The following TENM4 variants were observed in gnomAD, a reference collection of about 807,000 sequenced individuals.
TENM4 encodes the protein teneurin transmembrane protein 4.
A neutral mutation model predicts 243.3 loss-of-function variants in TENM4; 82 were observed. The observed-to-expected ratio is 0.34, with a 90% CI of 0.28 to 0.40. The LOEUF (loss-of-function observed/expected upper bound fraction) is 0.40, where lower values mean the gene tolerates loss of function less well. TENM4 is among the 10% of genes least tolerant of loss of function. The pLI is 1.00. For synonymous variants in TENM4, 1,412 were observed against 1,456.3 expected (o/e 0.97, Z 0.69); for missense variants, 3,138 against 3,673.3 (o/e 0.85, Z 3.77).
chr11:78,881,806 C>T (rs1342379587), intron 9 of TENM4, among the ~76,000 whole-genome samples: 1 of 152,186 alleles, frequency 6.6e-6, no homozygotes, highest in Non-Finnish European at 1.5e-5. Flanking sequence ...CTTCTCCCTT[C>T]GTCAGCATTT....
chr11:78,766,345 C>A (rs1309718151), intron 18 of TENM4, among the ~76,000 whole-genome samples: 1 of 152,194 alleles, frequency 6.6e-6, no homozygotes, highest in Non-Finnish European at 1.5e-5. Flanking sequence ...CATGGTGTCA[C>A]CATCTTTGAA....
At chr11:79,214,223 G>A (rs1864006337) in intron 3 of TENM4, among the ~76,000 whole-genome samples, 2 of 152,124 alleles carry the variant, frequency 1.3e-5, no homozygotes, top group African/African-American at 4.8e-5. Flanking sequence ...TCGAACTCCT[G>A]ACCTCAAGTG....
chr11:79,388,962 G>A (rs1858173467), intron 1 of TENM4, among the ~76,000 whole-genome samples: 1 of 152,228 alleles, frequency 6.6e-6, no homozygotes, highest in East Asian at 1.9e-4. Context: ...TGGTGTTACT[G>A]GACAAAGGCT....
chr11:78,852,201 A>T (rs137881426), intron 12 of TENM4, among the ~76,000 whole-genome samples: 1 of 152,336 alleles, frequency 6.6e-6, no homozygotes, highest in East Asian at 1.9e-4. Context: ...TAATTTCTAC[A>T]TCAGAGCTAG....
At chr11:79,289,369 T>C (rs1258512823) in intron 2 of TENM4, among the ~76,000 whole-genome samples, 1 of 152,184 alleles carries the variant, frequency 6.6e-6, no homozygotes, top group Non-Finnish European at 1.5e-5. Context: ...AGACACTCAT[T>C]CCTCCAGCTG....
At chr11:79,286,202 T>A (rs1357855037) in intron 2 of TENM4, among the ~76,000 whole-genome samples, 2 of 151,918 alleles carry the variant, frequency 1.3e-5, no homozygotes, top group Non-Finnish European at 2.9e-5. Context: ...ACAATAATAA[T>A]GTGAAAAAAA....
intron 10 of TENM4, among the ~76,000 whole-genome samples, chr11:78,859,034 GATGA>G (rs1377151661): frequency 3.9e-5 from 6 of 152,080 alleles, no homozygotes; most frequent in Non-Finnish European, 7.4e-5. Context: ...GGATCAAATT[GATGA>G]ATGATTAATT....
chr11:79,178,757 AGG>A (rs1863223188), intron 3 of TENM4, among the ~76,000 whole-genome samples: 1 of 152,176 alleles, frequency 6.6e-6, no homozygotes, highest in Non-Finnish European at 1.5e-5. Context: ...ACCCACCCAC[AGG>A]GTCCAGCACA....
At chr11:79,401,525 G>T (rs991345732) in intron 1 of TENM4, among the ~76,000 whole-genome samples, 1 of 152,122 alleles carries the variant, frequency 6.6e-6, no homozygotes, top group African/African-American at 2.4e-5. Flanking sequence ...AATACTTTTT[G>T]CAGGAGATTT....
intron 9 of TENM4, among the ~76,000 whole-genome samples, chr11:78,888,422 C>T (rs1855591351): frequency 1.3e-5 from 2 of 152,202 alleles, no homozygotes; most frequent in African/African-American, 4.8e-5. Context: ...ACCTGACATG[C>T]CAGAGGAGGC....
intron 6 of TENM4, chr11:79,014,448 A>G (rs879567797): frequency 3.3e-5 from 5 of 152,238 alleles, no homozygotes; most frequent in African/African-American, 4.8e-5. Context: ...TATTTGTTCC[A>G]AAATGCCCTC....
At chr11:78,864,347 T>C (rs576843423) in intron 9 of TENM4, among the ~76,000 whole-genome samples, 1,839 of 130,616 alleles carry the variant, frequency 0.014, 36 homozygotes, top group Middle Eastern at 0.048. Context: ...GGCAGGAGAA[T>C]GAAGTGAACC....
chr11:79,015,477 AGTGTGTGT>A lies in TENM4; in HGVS notation c.493+49253_493+49260del, dbSNP rs113872101. On this transcript the variant is annotated intron_variant, in intron 6 of 33. Coordinates refer to ENST00000278550, the MANE Select transcript of TENM4 (RefSeq NM_001098816.3). The stretch of plus-strand genomic sequence containing the variant: ...GATTTCATGAGAAAAAAAGTCATTT[AGTGTGTGT>A]GTGTGTGTGTGTGTGTGTGTGTGTA... Among the ~76,000 whole-genome samples the A allele has an allele frequency of 1.4e-3, 209 of 147,252 alleles. No individual in the cohort carries two copies. The East Asian group carries it at 0.021, about 15-fold the overall frequency.
intron 6 of TENM4, among the ~76,000 whole-genome samples, chr11:78,966,839 G>T (rs1006683207): frequency 6.6e-6 from 1 of 152,114 alleles, no homozygotes; most frequent in African/African-American, 2.4e-5. Context: ...ACTGAGACTT[G>T]CTGAGACACG....
chr11:79,278,999 TG>T (rs1346773185), intron 2 of TENM4, among the ~76,000 whole-genome samples: 1 of 152,170 alleles, frequency 6.6e-6, no homozygotes, highest in Admixed American at 6.5e-5. Context: ...CATGCACCTC[TG>T]AGCCCAGACA....
In TENM4 at chr11:78,729,401, C is replaced by T. The variant is rs774086084; in HGVS notation, c.3381G>A (p.Lys1127=). 6.3e-7 allele frequency: 1 copy of T among 1,582,132 alleles called. No homozygotes were observed. The highest frequency in any genetic ancestry group is 8.6e-7 in the Non-Finnish European group (1 of 1,162,840). The change falls in exon 22 of 34, where the codon AAG becomes AAA. Residue 1127 remains lysine, a synonymous_variant. Transcript: ENST00000278550. ...CAAAGGCTTCTGAAAGCCCAAACACCTTCTGGTTGTAGACGTCTGTCTTGT... is the reference window on the plus strand; with the variant it reads ...CAAAGGCTTCTGAAAGCCCAAACACTTTCTGGTTGTAGACGTCTGTCTTGT... ...IWDKTDVYNQ[K]VFGLSEAFVS...
intron 3 of TENM4, among the ~76,000 whole-genome samples, chr11:79,212,396 T>C (rs371061012): frequency 6.6e-5 from 10 of 152,228 alleles, no homozygotes; most frequent in African/African-American, 2.4e-4. Flanking sequence ...TGTTTCTGAG[T>C]GGTCCTGAGA....
Position 78,676,391 on chromosome 11 carries a change from C to A in TENM4, c.5261-4G>T. 1 of 1,588,616 alleles carries A rather than the reference C, an allele frequency of 6.3e-7. No homozygotes were observed. The highest frequency in any genetic ancestry group is 8.6e-7 in the Non-Finnish European group (1 of 1,161,124). ...TAGTAGCTGTTCCGGACTTGGTCTG[C>A]AGGAGAGGACAAGCACAGACTGCTC... On this transcript the variant is annotated splice_region_variant and splice_polypyrimidine_tract_variant and intron_variant, in intron 29 of 33. Transcript: ENST00000278550.
intron 4 of TENM4, among the ~76,000 whole-genome samples, chr11:79,099,061 C>T (rs1485499867): frequency 6.6e-6 from 1 of 152,184 alleles, no homozygotes; most frequent in Non-Finnish European, 1.5e-5. Flanking sequence ...TAAAACCTGA[C>T]TTACGGTAAC....
Sources: allele counts gnomAD v4.1 joint callset (sites outside exome capture counted in the v4.1 genomes callset), GRCh38; gene constraint gnomAD v4.1.1; transcripts MANE v1.5; gene names NCBI Gene and HGNC (gene_info 2026-07-23, HGNC 2026-07-21).